Variants in PAICS observed in about 807,000 individuals in gnomAD.
The protein encoded by PAICS is bifunctional phosphoribosylaminoimidazole carboxylase/phosphoribosylaminoimidazole succinocarboxamide synthetase.
A neutral mutation model predicts 53.7 loss-of-function variants in PAICS; 33 were observed. The observed-to-expected ratio is 0.61, with a 90% CI of 0.47 to 0.82. PAICS has a LOEUF of 0.82. Ranked by LOEUF, PAICS falls within the 40% of genes least tolerant of loss-of-function variation. The pLI is 0.00. For missense variants in PAICS, 394 were observed against 494.1 expected (o/e 0.80, Z 1.92); for synonymous variants, 141 against 167.2 (o/e 0.84, Z 1.21).
At position 56,450,857 on chromosome 4, in the gene PAICS, G is replaced by A. The variant is rs933434933; in HGVS notation, c.771+155G>A. The A allele has an allele frequency of 1.3e-5, 7 of 550,106 alleles. No homozygotes were observed. The Admixed American group carries it at 1.5e-4, about 12-fold the overall frequency. 34.1% of individuals were successfully genotyped at this position (550,106 alleles called of 1,614,324 possible). On this transcript the variant is annotated intron_variant, in intron 6 of 8. Transcript: ENST00000512576. ...TTTTGAGACGGAGTCTTGCTCTGTCGCCCAGGCTGGAGTGCAGTGGCGCCA... is the reference window on the plus strand; with the variant it reads ...TTTTGAGACGGAGTCTTGCTCTGTCACCCAGGCTGGAGTGCAGTGGCGCCA...
chr4:56,428,923 CTG>C, the PAICS span: 1 of 861,956 alleles, frequency 1.2e-6, no homozygotes, highest in Non-Finnish European at 1.4e-6. Flanking sequence ...GATTCTTTTC[CTG>C]TGTTTTTATT....
Position 56,448,789 on chromosome 4 carries a change from C to G in PAICS, c.653C>G (p.Pro218Arg). The change falls in exon 5 of 9, where the codon CCA (proline) becomes CGA (arginine). Residue 218 changes from proline to arginine, a missense_variant. Around this residue, in one of 3 missense-constraint regions of PAICS, gnomAD observed 131 missense variants for 205.5 expected, o/e 0.64. Transcript: ENST00000512576. ...GACAATGATTCCTGGAGACTCTGGC[C>G]ATCAGGAGATCGAAGCCAACAGAAA... ...VIDNDSWRLW[P>R]SGDRSQQKDK... 1 of 1,593,582 alleles carries G rather than the reference C, an allele frequency of 6.3e-7. No individual in the cohort carries two copies. Among genetic ancestry groups the G allele is most frequent in the Non-Finnish European group, 8.6e-7 (1 of 1,167,774 alleles).
intron 1 of PAICS, 80 bp downstream of exon 1, chr4:56,436,408 ACT>A (rs754413929): frequency 2.1e-5 from 24 of 1,151,634 alleles, no homozygotes; most frequent in African/African-American, 3.1e-5. Context: ...GAGCCGCGAA[ACT>A]CTGTCCCGCC....
intron 1 of PAICS, chr4:56,436,656 G>A: frequency 1.7e-6 from 1 of 604,414 alleles, no homozygotes; most frequent in Non-Finnish European, 3.1e-6. Context: ...TTGCCCGTTA[G>A]GTTAATGACC....
rs1363434073 is a variant in PAICS, at chr4:56,446,836, A to G, written c.356A>G (p.Tyr119Cys). ...LKRNPGVKEG[Y>C]KFYPPKVELF... is the part of the protein sequence containing the mutation. Reference sequence around the variant, plus strand: ...AGAAATCCTGGTGTCAAGGAAGGATATAAGTTTTACCCACCTAAAGTGGAG... The same window carrying G: ...AGAAATCCTGGTGTCAAGGAAGGATGTAAGTTTTACCCACCTAAAGTGGAG... The change falls in exon 3 of 9, where the codon TAT (tyrosine) becomes TGT (cysteine). Residue 119 changes from tyrosine to cysteine, a missense_variant. By Grantham distance (194) the Tyr-to-Cys change is radical (BLOSUM62 -2). This residue lies in a region of PAICS where 168 missense variants were observed against 199.3 expected (regional missense o/e 0.84). Transcript: ENST00000512576. 5.0e-6 allele frequency: 8 copies of G among 1,610,614 alleles called. No individual in the cohort carries two copies. The highest frequency in any genetic ancestry group is 4.4e-5 in the South Asian group (4 of 90,510).
chr4:56,439,060 G>T (rs1228419191), intron 1 of PAICS, among the ~76,000 whole-genome samples: 1 of 152,024 alleles, frequency 6.6e-6, no homozygotes, highest in Non-Finnish European at 1.5e-5. Context: ...GTCACGTATG[G>T]TTGTTTCTTA....
chr4:56,437,689 C>T (rs1237269524), intron 1 of PAICS, among the ~76,000 whole-genome samples: 1 of 151,644 alleles, frequency 6.6e-6, no homozygotes, highest in Admixed American at 6.6e-5. Flanking sequence ...GACGTGGTGG[C>T]GTATGCCTGT....
At chr4:56,418,112 C>T in the PAICS span, among the ~76,000 whole-genome samples, 1 of 152,068 alleles carries the variant, frequency 6.6e-6, no homozygotes, top group Non-Finnish European at 1.5e-5. Context: ...GCTGGGATTA[C>T]AGGCGTGAGC....
At chr4:56,414,747 GC>G in the PAICS span, among the ~76,000 whole-genome samples, 4 of 152,138 alleles carry the variant, frequency 2.6e-5, no homozygotes, top group Non-Finnish European at 5.9e-5. Flanking sequence ...TAGAAACCCT[GC>G]CTTTATTTAC....
At chr4:56,438,378 T>TATATATATATATATATATATATAA (rs1560656317) in intron 1 of PAICS, among the ~76,000 whole-genome samples, 20 of 64,344 alleles carry the variant, frequency 3.1e-4, no homozygotes, top group Non-Finnish European at 4.6e-4. Context: ...TGTTTATATA[T>TATATATATATATATATATATATAA]ATATATATAT....
rs888794876 is a variant in PAICS at position 56,442,024 on chromosome 4, A to G, written c.214+164A>G. 1.5e-5 allele frequency: 8 copies of G among 541,446 alleles called. No homozygotes were observed. The East Asian group carries it at 2.4e-4, about 16-fold the overall frequency. 33.5% of individuals were successfully genotyped at this position (541,446 alleles called of 1,614,324 possible). A position where few individuals can be genotyped will look rare whatever the true frequency, so the allele number is the denominator to read the frequency against. On this transcript the variant is annotated intron_variant, in intron 2 of 8. Coordinates refer to ENST00000512576, the MANE Select transcript of PAICS (RefSeq NM_001079524.2). ...CCCTTAAACTTCACTATAACACCTT[A>G]TTTGGTTTGGGATTATTAGTATCAT...
At chr4:56,434,396 T>C (rs1717782711), upstream of PAICS, among the ~76,000 whole-genome samples, 1 of 152,264 alleles carries the variant, frequency 6.6e-6, no homozygotes, top group South Asian at 2.1e-4. Flanking sequence ...GTTACCACTG[T>C]ATTGCCTTAT....
In PAICS at chr4:56,460,657, TC is replaced by T. The variant is rs1461370680; in HGVS notation, c.*1121del. On this transcript the variant is annotated 3_prime_UTR_variant, in exon 9 of 9. Coordinates refer to ENST00000512576, the MANE Select transcript of PAICS (RefSeq NM_001079524.2). ...GGTTCTTGGGTTCTCCCGAAGCCTA[TC>T]CATGGTTTATAGATTAAGAATTGAT... 6 of 152,152 alleles carry T rather than the reference TC, an allele frequency of 3.9e-5. No individual in the cohort carries two copies. Among genetic ancestry groups the T allele is most frequent in the African/African-American group, 1.4e-4 (6 of 41,432 alleles). The allele number at this position is 152,152 out of a possible 1,614,324, so 9.4% of individuals were successfully genotyped here. A position where few individuals can be genotyped will look rare whatever the true frequency, so the allele number is the denominator to read the frequency against.
the PAICS span, among the ~76,000 whole-genome samples, chr4:56,427,278 T>C: frequency 2.0e-5 from 3 of 152,226 alleles, no homozygotes; most frequent in Admixed American, 6.5e-5. Context: ...GTAATTTGTG[T>C]TTAATTTTTT....
At chr4:56,419,988 T>A in the PAICS span, 2 of 985,176 alleles carry the variant, frequency 2.0e-6, no homozygotes, top group South Asian at 9.4e-5. Flanking sequence ...AGACCAGGAA[T>A]CCCAAGATGG....
the PAICS span, among the ~76,000 whole-genome samples, chr4:56,417,758 C>T: frequency 6.6e-6 from 1 of 152,038 alleles, no homozygotes; most frequent in Non-Finnish European, 1.5e-5. Flanking sequence ...CACACTCCAG[C>T]CTGTGCAACA....
chr4:56,432,651 G>C (rs1205923977), upstream of PAICS, among the ~76,000 whole-genome samples: 17 of 151,690 alleles, frequency 1.1e-4, no homozygotes, highest in Middle Eastern at 6.8e-3. Context: ...CGGGCGTGGT[G>C]GGGGGCGCCT....
the PAICS span, among the ~76,000 whole-genome samples, chr4:56,413,439 G>T: frequency 6.6e-6 from 1 of 152,108 alleles, no homozygotes; most frequent in African/African-American, 2.4e-5. Flanking sequence ...ACAGGCCTGA[G>T]GCACCATGTC....
the PAICS span, among the ~76,000 whole-genome samples, chr4:56,426,911 T>C: frequency 6.6e-6 from 1 of 152,072 alleles, no homozygotes; most frequent in East Asian, 1.9e-4. Context: ...ATCCCAACTC[T>C]CCTTAGCCTG....
Sources: allele counts gnomAD v4.1 joint callset (sites outside exome capture counted in the v4.1 genomes callset), GRCh38; gene constraint gnomAD v4.1.1; regional missense constraint gnomAD v4.1.1; transcripts MANE v1.5; gene names NCBI Gene and HGNC (gene_info 2026-07-23, HGNC 2026-07-21).